The following MICAL2 variants were observed in gnomAD, a reference collection of about 807,000 sequenced individuals.
The protein encoded by MICAL2 is microtubule associated monooxygenase, calponin and LIM domain containing 2.
MICAL2 carries 77 observed loss-of-function variants against 127.3 expected under a neutral mutation model. The ratio of observed to expected loss-of-function variants is 0.60; its 90% CI spans 0.50 to 0.73. The LOEUF (loss-of-function observed/expected upper bound fraction) is 0.73. Among genes scored for constraint, MICAL2 ranks in the 30% least tolerant of loss-of-function variants. The pLI is 0.00. For synonymous variants in MICAL2, 570 were observed against 551.1 expected (o/e 1.03, Z -0.48); for missense variants, 1,351 against 1,434.4 (o/e 0.94, Z 0.94).
intron 26 of MICAL2, chr11:12,261,159 G>A (rs1346885930): frequency 1.0e-6 from 1 of 985,402 alleles, no homozygotes; most frequent in Non-Finnish European, 1.2e-6. Context: ...TAGCACATCA[G>A]GCTATTGCTG....
chr11:12,287,048 C>T (rs1863835049), intron 2 of MICAL2: 6 of 398,790 alleles, frequency 1.5e-5, no homozygotes, highest in East Asian at 3.6e-5. Context: ...TGGACTCTTC[C>T]TCCCACCCCA....
intron 3 of MICAL2, among the ~76,000 whole-genome samples, chr11:12,191,105 G>A (rs562494644): frequency 6.6e-6 from 1 of 152,302 alleles, no homozygotes; most frequent in South Asian, 2.1e-4. Context: ...ATGAATCAGA[G>A]ACAAGGCCTC....
chr11:12,166,114 T>C (rs1288265210), intron 3 of MICAL2, among the ~76,000 whole-genome samples: 1 of 152,186 alleles, frequency 6.6e-6, no homozygotes, highest in African/African-American at 2.4e-5. Context: ...ATATGTAATT[T>C]GGTGTGGGAA....
chr11:12,348,391 A>G (rs80125299), intron 32 of MICAL2, among the ~76,000 whole-genome samples: 1 of 152,084 alleles, frequency 6.6e-6, no homozygotes. Flanking sequence ...CAGTTGAGGA[A>G]CCCACAGATT....
At chr11:12,270,971 G>A (rs1450883545) in intron 24 of MICAL2, among the ~76,000 whole-genome samples, 1 of 152,190 alleles carries the variant, frequency 6.6e-6, no homozygotes, top group East Asian at 1.9e-4. Flanking sequence ...CCTGCGGCAG[G>A]GGTCTGGCCA....
In MICAL2 at chr11:12,223,341, C is replaced by T. The variant is rs933568456; in HGVS notation, c.1450-70C>T. On this transcript the variant is annotated intron_variant, in intron 11 of 27. Coordinates refer to ENST00000683283, the MANE Select transcript of MICAL2 (RefSeq NM_001282663.2). ...GGCAGGCACTGAATTGGGGGTGGGTCGAGTTTAGGGGCCCTGAGACTAGGA... is the reference window on the plus strand; with the variant it reads ...GGCAGGCACTGAATTGGGGGTGGGTTGAGTTTAGGGGCCCTGAGACTAGGA... 21 of 1,369,214 alleles carry T rather than the reference C, an allele frequency of 1.5e-5. No homozygotes were observed. In the East Asian group the frequency reaches 2.3e-4, roughly 15 times the overall value. The allele number at this position is 1,369,214 out of a possible 1,614,324, so 84.8% of individuals were successfully genotyped here.
At chr11:12,213,191 A>G in intron 6 of MICAL2, 64 bp from the exon 7 acceptor site, 1 of 1,522,680 alleles carries the variant, frequency 6.6e-7, no homozygotes, top group Admixed American at 2.0e-5. Flanking sequence ...TCTCCCAATA[A>G]TCATTTTCAG....
intron 8 of MICAL2, among the ~76,000 whole-genome samples, chr11:12,219,970 G>T (rs142394939): frequency 9.2e-4 from 140 of 152,240 alleles, no homozygotes; most frequent in African/African-American, 3.0e-3. Context: ...TTTCCCTTTT[G>T]CCTTGGATGC....
intron 10 of MICAL2, among the ~76,000 whole-genome samples, 200 bp from the exon 11 acceptor site, chr11:12,222,417 C>T (rs1295209317): frequency 6.6e-6 from 1 of 152,196 alleles, no homozygotes; most frequent in African/African-American, 2.4e-5. Context: ...CACCCAGGCG[C>T]CCCTTTCCTC....
At chr11:12,344,201 C>T (rs1938915698) in intron 32 of MICAL2, among the ~76,000 whole-genome samples, 1 of 152,066 alleles carries the variant, frequency 6.6e-6, no homozygotes, top group Admixed American at 6.5e-5. Flanking sequence ...GAGGCTGAGG[C>T]AGGAGAATCT....
chr11:12,350,018 C>A (rs930440589), intron 33 of MICAL2: 1 of 1,127,672 alleles, frequency 8.9e-7, no homozygotes, highest in Non-Finnish European at 1.3e-6. Flanking sequence ...AGGCCGAAGT[C>A]TCGGGACTTT....
At chr11:12,314,823 T>C (rs1275679717) in intron 29 of MICAL2, among the ~76,000 whole-genome samples, 1 of 151,994 alleles carries the variant, frequency 6.6e-6, no homozygotes, top group Non-Finnish European at 1.5e-5. Flanking sequence ...TTTCAACTTT[T>C]GTGTGATTGC....
intron 29 of MICAL2, among the ~76,000 whole-genome samples, chr11:12,304,939 TTCA>T (rs1864091552): frequency 6.6e-6 from 1 of 152,206 alleles, no homozygotes; most frequent in Non-Finnish European, 1.5e-5. Context: ...ATGGAATGAA[TTCA>T]TCAATTTCTA....
intron 1 of MICAL2, among the ~76,000 whole-genome samples, chr11:12,118,989 C>T (rs1417719460): frequency 6.6e-6 from 1 of 152,186 alleles, no homozygotes; most frequent in Admixed American, 6.5e-5. Flanking sequence ...TTTTCTTTCC[C>T]TGCAGAAGGC....
intron 32 of MICAL2, among the ~76,000 whole-genome samples, chr11:12,343,344 G>T (rs1053010483): frequency 2.8e-5 from 4 of 145,188 alleles, no homozygotes; most frequent in Non-Finnish European, 6.0e-5. Flanking sequence ...GGAGGCAGAG[G>T]TTGCAGTAAG....
In MICAL2 at chr11:12,204,361, G is replaced by A. The variant is rs764483530; in HGVS notation, c.376G>A (p.Val126Met). 1.4e-5 allele frequency: 22 copies of A among 1,614,038 alleles called. No homozygotes were observed. The highest frequency in any genetic ancestry group is 1.7e-5 in the Admixed American group (1 of 60,010). Residue 126 changes from valine to methionine, a missense_variant, in exon 4 of 28, where the codon GTG (valine) becomes ATG (methionine). Val to Met is a conservative substitution (Grantham distance 21). This residue lies in a region of MICAL2 where 599 missense variants were observed against 714.9 expected (regional missense o/e 0.84). Transcript: ENST00000683283. Reference protein sequence around the residue: ...EKRDSFSRNNVLHLWPFTIHD... With the variant: ...EKRDSFSRNNMLHLWPFTIHD... ...GAGGGACTCCTTCTCCCGGAACAAC[G>A]TGCTACACCTCTGGCCTTTCACCAT...
Position 12,270,826 on chromosome 11 carries a change from A to G in MICAL2, c.3335-5160A>G, listed in dbSNP as rs141177933. ...GTTTCCTTTCCTGCAAAGTGGGGTT[A>G]ATAGCAGCACACAGGAGGCCTGTTG... On this transcript the variant is annotated intron_variant, in intron 24 of 34. Coordinates refer to the MICAL2 transcript ENST00000646065. Among the ~76,000 whole-genome samples the G allele has an allele frequency of 1.6e-4, 24 of 152,342 alleles. No homozygotes were observed. The East Asian group carries it at 4.4e-3, about 28-fold the overall frequency.
chr11:12,277,126 G>A (rs1485732533), intron 1 of MICAL2, among the ~76,000 whole-genome samples: 1 of 152,104 alleles, frequency 6.6e-6, no homozygotes, highest in Non-Finnish European at 1.5e-5. Context: ...TTGTGGTCTT[G>A]GTGGGCTCGC....
chr11:12,134,457 C>A (rs1387695915), intron 1 of MICAL2, among the ~76,000 whole-genome samples: 1 of 152,188 alleles, frequency 6.6e-6, no homozygotes, highest in Non-Finnish European at 1.5e-5. Flanking sequence ...CTGTTGGTTT[C>A]GGTAACTTCT....
Sources: allele counts gnomAD v4.1 joint callset (sites outside exome capture counted in the v4.1 genomes callset), GRCh38; gene constraint gnomAD v4.1.1; regional missense constraint gnomAD v4.1.1; transcripts MANE v1.5; gene names NCBI Gene and HGNC (gene_info 2026-07-23, HGNC 2026-07-21).